The following MDGA2 variants were observed in gnomAD, a reference collection of about 807,000 sequenced individuals.
MDGA2 encodes MAM domain containing glycosylphosphatidylinositol anchor 2.
MDGA2 carries 40 observed loss-of-function variants against 117.8 expected under a neutral mutation model. The observed-to-expected ratio is 0.34, with a 90% CI of 0.26 to 0.44. The LOEUF (loss-of-function observed/expected upper bound fraction) is 0.44. MDGA2 is among the 20% of genes least tolerant of loss of function. The probability of loss-of-function intolerance (pLI) is 1.00; values close to 1 mark genes in which losing one functional copy is unlikely to be tolerated. For synonymous variants in MDGA2, 452 were observed against 439.0 expected (o/e 1.03, Z -0.37); for missense variants, 1,123 against 1,250.6 (o/e 0.90, Z 1.54).
chr14:47,662,760 C>T (rs1042044350), intron 1 of MDGA2, among the ~76,000 whole-genome samples: 1 of 152,054 alleles, frequency 6.6e-6, no homozygotes, highest in African/African-American at 2.4e-5. Flanking sequence ...TTATTCTAGT[C>T]TTGGGGAAAG....
chr14:47,199,675 A>T (rs1885419052), intron 3 of MDGA2, among the ~76,000 whole-genome samples: 2 of 152,194 alleles, frequency 1.3e-5, no homozygotes, highest in African/African-American at 2.4e-5. Context: ...TGGAATAAAT[A>T]TTAATAATAA....
intron 8 of MDGA2, among the ~76,000 whole-genome samples, chr14:47,000,365 GTATATATATATT>G (rs1372218835): frequency 2.3e-4 from 12 of 51,432 alleles, no homozygotes; most frequent in East Asian, 1.3e-3. Flanking sequence ...ACATATATAT[GTATATATATATT>G]TATATATATA....
At chr14:47,646,071 C>T (rs963339995) in intron 1 of MDGA2, among the ~76,000 whole-genome samples, 50 of 110,428 alleles carry the variant, frequency 4.5e-4, no homozygotes, top group African/African-American at 1.7e-3. Flanking sequence ...CAGAGCAAGA[C>T]TCCGTCTCAA....
intron 7 of MDGA2, among the ~76,000 whole-genome samples, chr14:47,037,753 T>C (rs561981320): frequency 2.1e-4 from 32 of 152,172 alleles, no homozygotes; most frequent in Non-Finnish European, 4.7e-4. Flanking sequence ...TTATAAGATA[T>C]ACCAACCTCA....
chr14:47,090,587 G>A (rs973803637), intron 6 of MDGA2, among the ~76,000 whole-genome samples: 2 of 152,184 alleles, frequency 1.3e-5, no homozygotes, highest in Non-Finnish European at 2.9e-5. Flanking sequence ...GCTTTAAAAT[G>A]TGTCTGTTCC....
chr14:47,343,136 C>T, intron 1 of MDGA2: 6 of 1,199,016 alleles, frequency 5.0e-6, no homozygotes, highest in African/African-American at 1.6e-5. Context: ...AATAATGAAA[C>T]AGCTGAGGTT....
intron 2 of MDGA2, among the ~76,000 whole-genome samples, chr14:47,223,771 A>G (rs1212067125): frequency 2.0e-5 from 3 of 152,186 alleles, no homozygotes; most frequent in Admixed American, 2.0e-4. Flanking sequence ...AAGACTAGGT[A>G]ATTTATAAAG....
At chr14:47,323,447 G>C (rs1000127067) in intron 1 of MDGA2, among the ~76,000 whole-genome samples, 1 of 151,590 alleles carries the variant, frequency 6.6e-6, no homozygotes, top group African/African-American at 2.4e-5. Flanking sequence ...CCAATATGGA[G>C]AAATCCTGTC....
chr14:46,961,739 T>G (rs1482762585), intron 8 of MDGA2, among the ~76,000 whole-genome samples: 1 of 151,828 alleles, frequency 6.6e-6, no homozygotes, highest in Non-Finnish European at 1.5e-5. Context: ...ACCTCTCAGG[T>G]TCACGCCATT....
rs539078514 is a variant in MDGA2 at position 47,261,443 on chromosome 14, A to C, written c.420+39968T>G. 2.6e-5 allele frequency among the ~76,000 whole-genome samples: 4 copies of C among 152,280 alleles called. No individual in the cohort carries two copies. The South Asian group carries it at 8.3e-4, about 32-fold the overall frequency. On this transcript the variant is annotated intron_variant, in intron 2 of 16. Coordinates refer to ENST00000399232, the MANE Select transcript of MDGA2 (RefSeq NM_001113498.3). The stretch of plus-strand genomic sequence containing the variant: ...TAATGCAATAAGTAAGTAAGGATCA[A>C]GTTTTATAAGCTGCTGTTTGAAAGA...
At chr14:46,910,917 C>A (rs186888170) in intron 10 of MDGA2, among the ~76,000 whole-genome samples, 2 of 152,262 alleles carry the variant, frequency 1.3e-5, no homozygotes, top group African/African-American at 4.8e-5. Context: ...ACAGCATGTT[C>A]TCAGTTATAA....
At chr14:47,278,373 C>G (rs552987194) in intron 2 of MDGA2, among the ~76,000 whole-genome samples, 1 of 146,518 alleles carries the variant, frequency 6.8e-6, no homozygotes, top group East Asian at 2.0e-4. Context: ...GTGATCAGAT[C>G]AGGGTCATGA....
At chr14:47,161,138 G>C (rs2139275444) in intron 3 of MDGA2, among the ~76,000 whole-genome samples, 1 of 151,910 alleles carries the variant, frequency 6.6e-6, no homozygotes, top group East Asian at 1.9e-4. Context: ...TTGCTGTTAT[G>C]CTATTTTCAG....
At chr14:47,113,261 C>G (rs1265489004) in intron 5 of MDGA2, among the ~76,000 whole-genome samples, 1 of 151,988 alleles carries the variant, frequency 6.6e-6, no homozygotes. Context: ...CAAGTTGAAT[C>G]CCTGAATAGA....
intron 10 of MDGA2, among the ~76,000 whole-genome samples, chr14:46,901,272 A>G (rs983549549): frequency 5.9e-5 from 9 of 152,154 alleles, no homozygotes; most frequent in Non-Finnish European, 1.2e-4. Context: ...AACACGGCAC[A>G]TGTATACATA....
At chr14:47,234,939 T>C (rs913750584) in intron 2 of MDGA2, among the ~76,000 whole-genome samples, 3 of 152,178 alleles carry the variant, frequency 2.0e-5, no homozygotes, top group Non-Finnish European at 4.4e-5. Context: ...AAGAAATTAG[T>C]GTTCATATGT....
chr14:47,171,797 G>A (rs1203500588), intron 3 of MDGA2, among the ~76,000 whole-genome samples: 2 of 152,170 alleles, frequency 1.3e-5, no homozygotes, highest in African/African-American at 4.8e-5. Flanking sequence ...AGTGGGCTCA[G>A]GACAGTGGGT....
intron 1 of MDGA2, among the ~76,000 whole-genome samples, chr14:47,481,981 G>A (rs1226937288): frequency 6.6e-6 from 1 of 151,998 alleles, no homozygotes; most frequent in African/African-American, 2.4e-5. Flanking sequence ...AATGTTACAG[G>A]TACACAGGCA....
At chr14:47,165,427 T>C (rs1464871329) in intron 3 of MDGA2, among the ~76,000 whole-genome samples, 1 of 151,958 alleles carries the variant, frequency 6.6e-6, no homozygotes, top group Non-Finnish European at 1.5e-5. Context: ...TGGTATTACT[T>C]AGCCTTTCTT....
Sources: allele counts gnomAD v4.1 joint callset (sites outside exome capture counted in the v4.1 genomes callset), GRCh38; gene constraint gnomAD v4.1.1; transcripts MANE v1.5; gene names NCBI Gene and HGNC (gene_info 2026-07-23, HGNC 2026-07-21).